Variants in NRG3 observed in about 807,000 individuals in gnomAD.
NRG3 encodes the protein neuregulin 3, also known as pro-neuregulin-3, membrane-bound isoform.
In NRG3, 31 loss-of-function variants were observed where a neutral mutation model predicts 66.9. The ratio of observed to expected loss-of-function variants is 0.46; its 90% CI spans 0.35 to 0.63. The LOEUF is 0.63. NRG3 is among the 20% of genes least tolerant of loss of function. NRG3 has a pLI of 0.00. For missense variants in NRG3, 910 were observed against 878.9 expected (o/e 1.04, Z -0.45); for synonymous variants, 393 against 359.4 (o/e 1.09, Z -1.06).
intron 1 of NRG3, among the ~76,000 whole-genome samples, chr10:82,355,802 T>C (rs1219859703): frequency 6.6e-6 from 1 of 152,222 alleles, no homozygotes; most frequent in Non-Finnish European, 1.5e-5. Context: ...GTAGATAATA[T>C]ATAGTAAAAT....
intron 2 of NRG3, among the ~76,000 whole-genome samples, chr10:82,532,855 C>T (rs1401869628): frequency 6.6e-6 from 1 of 151,310 alleles, no homozygotes; most frequent in Non-Finnish European, 1.5e-5. Flanking sequence ...CAAATTTTTT[C>T]CATTGATGCC....
chr10:81,901,888 A>G (rs1844113646), intron 1 of NRG3, among the ~76,000 whole-genome samples: 1 of 152,158 alleles, frequency 6.6e-6, no homozygotes, highest in South Asian at 2.1e-4. Context: ...AAGGATGGTT[A>G]CCTGTGGGCA....
intron 1 of NRG3, among the ~76,000 whole-genome samples, chr10:82,143,538 T>TA (rs1440696020): frequency 1.3e-5 from 2 of 152,214 alleles, no homozygotes; most frequent in Non-Finnish European, 2.9e-5. Flanking sequence ...ATTCTACTGT[T>TA]ACATTTGTTC....
intron 1 of NRG3, among the ~76,000 whole-genome samples, chr10:81,919,361 C>G (rs1357394208): frequency 6.6e-6 from 1 of 152,174 alleles, no homozygotes; most frequent in Non-Finnish European, 1.5e-5. Flanking sequence ...CCTCTTAAAC[C>G]TCTTTGAACG....
chr10:82,967,167 A>C (rs1022815791), intron 6 of NRG3, among the ~76,000 whole-genome samples: 13 of 148,842 alleles, frequency 8.7e-5, no homozygotes, highest in African/African-American at 3.2e-4. Flanking sequence ...ATTTTTAAAT[A>C]ATAGATATAT....
chr10:82,044,023 G>A (rs1032942163), intron 1 of NRG3, among the ~76,000 whole-genome samples: 1 of 151,954 alleles, frequency 6.6e-6, no homozygotes, highest in Non-Finnish European at 1.5e-5. Flanking sequence ...ATGAGTGAGC[G>A]ACAGTGATTG....
At chr10:82,310,579 A>G (rs190749237) in intron 1 of NRG3, among the ~76,000 whole-genome samples, 1 of 152,322 alleles carries the variant, frequency 6.6e-6, no homozygotes, top group East Asian at 1.9e-4. Flanking sequence ...ATACACATCA[A>G]CCACTTTAGG....
At chr10:82,606,240 A>C (rs887745788) in intron 2 of NRG3, among the ~76,000 whole-genome samples, 7 of 152,122 alleles carry the variant, frequency 4.6e-5, no homozygotes, top group Admixed American at 2.0e-4. Context: ...TGTTTAGTTC[A>C]AAATATTTTA....
chr10:82,018,603 T>C (rs1213284427), intron 1 of NRG3, among the ~76,000 whole-genome samples: 2 of 152,186 alleles, frequency 1.3e-5, no homozygotes, highest in African/African-American at 4.8e-5. Flanking sequence ...TATCCTCTTT[T>C]ATTTCGTTGA....
chr10:82,319,049 A>G (rs2081428791), intron 1 of NRG3, among the ~76,000 whole-genome samples: 2 of 152,246 alleles, frequency 1.3e-5, no homozygotes, highest in Admixed American at 1.3e-4. Context: ...TGGTGTGAGA[A>G]CAAAAACCCA....
intron 1 of NRG3, among the ~76,000 whole-genome samples, chr10:82,285,162 C>T (rs1032746589): frequency 1.3e-5 from 2 of 152,178 alleles, no homozygotes; most frequent in Non-Finnish European, 2.9e-5. Context: ...TAACTGCCTT[C>T]TGAGATGTTT....
At chr10:82,653,023 G>A (rs2051553646) in intron 2 of NRG3, among the ~76,000 whole-genome samples, 1 of 152,268 alleles carries the variant, frequency 6.6e-6, no homozygotes, top group African/African-American at 2.4e-5. Flanking sequence ...GACAGAACAT[G>A]AATAAATATT....
intron 2 of NRG3, among the ~76,000 whole-genome samples, chr10:82,374,424 A>G (rs894990537): frequency 2.0e-5 from 3 of 152,208 alleles, no homozygotes; most frequent in Non-Finnish European, 4.4e-5. Flanking sequence ...TTATTATAAG[A>G]ATCACCAAAG....
chr10:82,573,872 A>G (rs11195073), intron 2 of NRG3, among the ~76,000 whole-genome samples: 15,595 of 151,798 alleles, frequency 0.1, 985 homozygotes, highest in South Asian at 0.22. Context: ...CCTTCAGAAG[A>G]CAACATTTAT....
rs34783247 is a variant in NRG3 at position 82,153,411 on chromosome 10, T to TTGTGTGTGTGTG, written c.824-205308_824-205297dup. ...TTGTGTAAGGCTATATAGTATTCCA[T>TTGTGTGTGTGTG]TGTGTGTGTGTGTGTGTGTGTGTGT... On this transcript the variant is annotated intron_variant, in intron 1 of 8. Coordinates refer to ENST00000372141, the MANE Select transcript of NRG3 (RefSeq NM_001010848.4). Among the ~76,000 whole-genome samples the TTGTGTGTGTGTG allele has an allele frequency of 1.3e-3, 189 of 146,622 alleles. 1 individual carries two copies. The highest frequency in any genetic ancestry group is 8.6e-3 in the East Asian group (43 of 4,974).
chr10:82,617,301 A>C (rs947317369), intron 2 of NRG3, among the ~76,000 whole-genome samples: 1 of 150,758 alleles, frequency 6.6e-6, no homozygotes, highest in African/African-American at 2.4e-5. Context: ...ACATATACAC[A>C]CACCACACAC....
intron 2 of NRG3, among the ~76,000 whole-genome samples, chr10:82,648,008 A>G (rs1459952784): frequency 1.4e-5 from 2 of 147,874 alleles, no homozygotes; most frequent in Non-Finnish European, 3.0e-5. Context: ...CTTTAGTTTA[A>G]TTAGATCCCA....
In NRG3 at chr10:82,979,196, T is replaced by C; in HGVS notation, c.1583+76T>C. ...AGCTTTAAGTTAAGTTTTAAGTTCC[T>C]TGGGGTTTTATTCATTGATTTATTC... On this transcript the variant is annotated intron_variant, in intron 8 of 8. Coordinates refer to ENST00000372141, the MANE Select transcript of NRG3 (RefSeq NM_001010848.4). The C allele has an allele frequency of 4.2e-6, 6 of 1,439,760 alleles. No individual in the cohort carries two copies. In the East Asian group the frequency reaches 1.2e-4, roughly 28 times the overall value. 89.2% of individuals were successfully genotyped at this position (1,439,760 alleles called of 1,614,324 possible). A position where few individuals can be genotyped will look rare whatever the true frequency, so the allele number is the denominator to read the frequency against.
chr10:82,732,662 C>T (rs928627465), intron 2 of NRG3, among the ~76,000 whole-genome samples: 14 of 152,064 alleles, frequency 9.2e-5, no homozygotes, highest in African/African-American at 3.1e-4. Flanking sequence ...TATCATGCAC[C>T]ACAGGTATTG....
Sources: allele counts gnomAD v4.1 joint callset (sites outside exome capture counted in the v4.1 genomes callset), GRCh38; gene constraint gnomAD v4.1.1; transcripts MANE v1.5; gene names NCBI Gene and HGNC (gene_info 2026-07-23, HGNC 2026-07-21).